Variants in CSMD1 observed in about 807,000 individuals in gnomAD.
CSMD1 encodes the protein CUB and Sushi multiple domains 1, also known as CUB and sushi domain-containing protein 1.
In CSMD1, 213 loss-of-function variants were observed where a neutral mutation model predicts 417.5. That is an observed-to-expected ratio of 0.51 (90% CI 0.46 to 0.57). The LOEUF (loss-of-function observed/expected upper bound fraction) is 0.57, where lower values mean the gene tolerates loss of function less well. Ranked by LOEUF, CSMD1 falls within the 20% of genes least tolerant of loss-of-function variation. The probability of loss-of-function intolerance (pLI) is 0.00; values close to 1 mark genes in which losing one functional copy is unlikely to be tolerated. For missense variants in CSMD1, 6,923 were observed against 4,529.7 expected, an observed-to-expected ratio of 1.53 and a Z score of -15.17; for synonymous variants, 2,862 against 1,736.8, an observed-to-expected ratio of 1.65 and a Z score of -16.11.
chr8:4,295,230 TTA>T (rs762854644), intron 3 of CSMD1, among the ~76,000 whole-genome samples: 369 of 22,558 alleles, frequency 0.016, 5 homozygotes, highest in Non-Finnish European at 0.033. Context: ...AATCTTAAGA[TTA>T]TATGCACATA....
chr8:3,599,688 T>G (rs1801267515), intron 8 of CSMD1, among the ~76,000 whole-genome samples: 1 of 152,204 alleles, frequency 6.6e-6, no homozygotes, highest in South Asian at 2.1e-4. Flanking sequence ...CATCTCCATT[T>G]TCCTTTGAGT....
At chr8:4,441,041 TATC>T (rs903494676) in intron 2 of CSMD1, among the ~76,000 whole-genome samples, 11 of 146,660 alleles carry the variant, frequency 7.5e-5, no homozygotes, top group African/African-American at 2.5e-4. Flanking sequence ...ATACATCTAT[TATC>T]ATTTTAAAAT....
chr8:3,667,994 G>A (rs141404367), intron 7 of CSMD1, among the ~76,000 whole-genome samples: 2 of 152,242 alleles, frequency 1.3e-5, no homozygotes, highest in East Asian at 3.9e-4. Context: ...CGATCAATAT[G>A]AGTGTCTGTG....
At chr8:3,404,661 TAAACTAAG>T (rs1812239353) in intron 15 of CSMD1, among the ~76,000 whole-genome samples, 1 of 152,132 alleles carries the variant, frequency 6.6e-6, no homozygotes, top group Non-Finnish European at 1.5e-5. Flanking sequence ...AAAATAAAAA[TAAACTAAG>T]AGGGAAAAAT....
At chr8:4,444,628 A>G (rs1018381370) in intron 2 of CSMD1, among the ~76,000 whole-genome samples, 1 of 152,170 alleles carries the variant, frequency 6.6e-6, no homozygotes, top group Admixed American at 6.5e-5. Flanking sequence ...GCCATCTGTA[A>G]ACATGGTTAT....
At chr8:4,545,539 A>T (rs903915342) in intron 2 of CSMD1, among the ~76,000 whole-genome samples, 2 of 152,200 alleles carry the variant, frequency 1.3e-5, no homozygotes, top group Non-Finnish European at 2.9e-5. Flanking sequence ...ATCTACATAT[A>T]TAAAAATGTA....
At chr8:4,987,119 T>C (rs190721430) in intron 1 of CSMD1, among the ~76,000 whole-genome samples, 1 of 152,308 alleles carries the variant, frequency 6.6e-6, no homozygotes, top group Admixed American at 6.5e-5. Context: ...CTAAGTGAGA[T>C]TACGTGTATT....
At chr8:4,534,177 C>G (rs11136749) in intron 2 of CSMD1, among the ~76,000 whole-genome samples, 1 of 151,912 alleles carries the variant, frequency 6.6e-6, no homozygotes, top group African/African-American at 2.4e-5. Flanking sequence ...AGAAAGCATT[C>G]GCTAGGGAGC....
intron 5 of CSMD1, among the ~76,000 whole-genome samples, chr8:3,852,942 T>A (rs573958772): frequency 6.6e-6 from 1 of 152,186 alleles, no homozygotes; most frequent in Non-Finnish European, 1.5e-5. Context: ...CACTAAATAT[T>A]GCTCCATTTA....
At chr8:3,417,722 A>G (rs199505701) in intron 12 of CSMD1, among the ~76,000 whole-genome samples, 1 of 151,968 alleles carries the variant, frequency 6.6e-6, no homozygotes, top group East Asian at 1.9e-4. Flanking sequence ...TTAGATTCTC[A>G]TTTTTTTTCC....
intron 1 of CSMD1, among the ~76,000 whole-genome samples, chr8:4,811,534 G>A (rs1653658845): frequency 6.6e-6 from 1 of 152,060 alleles, no homozygotes; most frequent in Non-Finnish European, 1.5e-5. Context: ...GAAACAAGAG[G>A]TATTTCCCAA....
At chr8:3,119,077 G>A (rs576222772) in intron 41 of CSMD1, among the ~76,000 whole-genome samples, 1 of 152,180 alleles carries the variant, frequency 6.6e-6, no homozygotes, top group South Asian at 2.1e-4. Flanking sequence ...CTACTCAGGA[G>A]GCTGAGGCGG....
At chr8:4,842,891 G>A (rs989930828) in intron 1 of CSMD1, among the ~76,000 whole-genome samples, 7 of 152,110 alleles carry the variant, frequency 4.6e-5, no homozygotes, top group South Asian at 2.1e-4. Flanking sequence ...CAATGGAAAC[G>A]TAGAATTGGA....
chr8:2,947,023 G>C (rs1343903452), intron 68 of CSMD1, among the ~76,000 whole-genome samples: 3 of 152,130 alleles, frequency 2.0e-5, no homozygotes, highest in Non-Finnish European at 2.9e-5. Context: ...CATGTCTTTA[G>C]AGACATATCT....
intron 5 of CSMD1, among the ~76,000 whole-genome samples, chr8:3,968,200 AAT>A (rs1216913006): frequency 1.3e-5 from 2 of 151,448 alleles, no homozygotes; most frequent in African/African-American, 4.9e-5. Flanking sequence ...TAATAATAAT[AAT>A]AATAATAAAT....
chr8:2,978,804 G>C lies in CSMD1; in HGVS notation c.8378-4C>G, dbSNP rs755154223. 2 of 1,591,564 alleles carry C rather than the reference G, an allele frequency of 1.3e-6. No homozygotes were observed. The highest frequency in any genetic ancestry group is 1.2e-5 in the South Asian group (1 of 86,572). ...CCTGGATCAGAACAGTTCACCACTA[G>C]AAAATAAAACATTTCACACACCATT... is the stretch of plus-strand genomic sequence containing the variant. On this transcript the variant is annotated splice_polypyrimidine_tract_variant and splice_region_variant and intron_variant, in intron 54 of 69. Coordinates refer to ENST00000635120, the MANE Select transcript of CSMD1 (RefSeq NM_033225.6).
intron 1 of CSMD1, among the ~76,000 whole-genome samples, chr8:4,780,099 G>A (rs540117198): frequency 1.3e-5 from 2 of 152,216 alleles, no homozygotes; most frequent in East Asian, 1.9e-4. Context: ...ATACACCCGC[G>A]TTTTGTATTT....
At chr8:4,348,017 A>G (rs779463522) in intron 3 of CSMD1, among the ~76,000 whole-genome samples, 6 of 152,178 alleles carry the variant, frequency 3.9e-5, no homozygotes, top group African/African-American at 9.6e-5. Flanking sequence ...TACTATATGC[A>G]TAAAGAGGAA....
At chr8:4,133,800 C>T (rs1395778803) in intron 3 of CSMD1, among the ~76,000 whole-genome samples, 1 of 152,118 alleles carries the variant, frequency 6.6e-6, no homozygotes, top group Admixed American at 6.6e-5. Flanking sequence ...TATAGCCATG[C>T]CACTCTGACC....
Sources: gnomAD v4.1 joint callset for allele counts (sites outside exome capture counted in the v4.1 genomes callset) on GRCh38, gnomAD v4.1.1 for gene constraint, MANE v1.5 for transcripts, NCBI Gene and HGNC (gene_info 2026-07-23, HGNC 2026-07-21) for gene names.